Variants in AMPH observed in about 807,000 individuals in gnomAD.
AMPH encodes the protein amphiphysin, also known as amphiphysin (Stiff-Mann syndrome with breast cancer 128kD autoantigen).
Under a neutral mutation model 99.1 loss-of-function variants are expected in AMPH, and 49 were observed. The observed-to-expected ratio is 0.49, with a 90% CI of 0.39 to 0.63. The LOEUF is 0.63. Ranked by LOEUF, AMPH falls within the 20% of genes least tolerant of loss-of-function variation. The pLI is 0.00. For missense variants in AMPH, 759 were observed against 863.4 expected, an observed-to-expected ratio of 0.88 and a Z score of 1.52; for synonymous variants, 314 against 317.3, an observed-to-expected ratio of 0.99 and a Z score of 0.11.
At chr7:38,511,945 C>T (rs540379240) in intron 2 of AMPH, among the ~76,000 whole-genome samples, 11 of 152,250 alleles carry the variant, frequency 7.2e-5, no homozygotes, top group South Asian at 4.2e-4. Flanking sequence ...CATCATAGAA[C>T]GACTCTTTAG....
chr7:38,395,207 C>T (rs1229465263), intron 17 of AMPH, among the ~76,000 whole-genome samples: 1 of 144,368 alleles, frequency 6.9e-6, no homozygotes, highest in African/African-American at 2.6e-5. Flanking sequence ...GTTCCAGAAG[C>T]CAAATCACTT....
intron 15 of AMPH, among the ~76,000 whole-genome samples, chr7:38,424,923 A>C (rs534041768): frequency 1.1e-4 from 17 of 152,318 alleles, no homozygotes; most frequent in Non-Finnish European, 1.9e-4. Context: ...TCAAAATGAC[A>C]GTTTCTTGAA....
At position 38,394,193 on chromosome 7, in the gene AMPH, C is replaced by T. The variant is rs960856901; in HGVS notation, c.1420G>A (p.Asp474Asn). ...GACACCAAGGTTCCAACAGCTGCAT[C>T]AGCATCAGCTCCAGGTATGATCTGC... Reference protein sequence around the residue: ...EAVIIPGADADAAVGTLVSAA... With the variant: ...EAVIIPGADANAAVGTLVSAA... Residue 474 changes from aspartate to asparagine, a missense_variant, in exon 18 of 21, where the codon GAT becomes AAT. Physicochemically the swap from Asp to Asn is conservative, Grantham distance 23 (BLOSUM62 1). Around this residue, in one of 2 missense-constraint regions of AMPH, gnomAD observed 554 missense variants for 575.6 expected, o/e 0.96. Coordinates refer to ENST00000356264, the MANE Select transcript of AMPH (RefSeq NM_001635.4). 1.2e-6 allele frequency: 2 copies of T among 1,614,238 alleles called. No homozygotes were observed. The highest frequency in any genetic ancestry group is 2.7e-5 in the African/African-American group (2 of 75,072).
At position 38,503,752 on chromosome 7, in the gene AMPH, T is replaced by G. The variant is rs529824881; in HGVS notation, c.151-48A>C. On this transcript the variant is annotated intron_variant, in intron 2 of 20. Transcript: ENST00000356264. ...CTAAATATCTAGTCTATATTCTGCA[T>G]GAAAACATGTAAGAAGTGCTAAGTC... is the stretch of plus-strand genomic sequence containing the variant. 2.8e-5 allele frequency: 44 copies of G among 1,583,270 alleles called. No individual in the cohort carries two copies. The East Asian group carries it at 8.3e-4, about 30-fold the overall frequency.
At chr7:38,612,536 A>G (rs1349028527) in intron 1 of AMPH, among the ~76,000 whole-genome samples, 6 of 152,300 alleles carry the variant, frequency 3.9e-5, no homozygotes, top group Middle Eastern at 3.4e-3. Flanking sequence ...GGCCTCAGAA[A>G]CACTGATATG....
intron 2 of AMPH, among the ~76,000 whole-genome samples, chr7:38,528,632 T>C (rs1399648845): frequency 6.6e-6 from 1 of 152,166 alleles, no homozygotes; most frequent in Admixed American, 6.5e-5. Context: ...TTGTCAGTCC[T>C]GCTAGAGGTT....
At chr7:38,541,703 G>A (rs1196778922) in intron 1 of AMPH, among the ~76,000 whole-genome samples, 1 of 152,196 alleles carries the variant, frequency 6.6e-6, no homozygotes, top group Non-Finnish European at 1.5e-5. Context: ...TGTCCCATTT[G>A]AATGGCCTTC....
intron 18 of AMPH, chr7:38,392,639 C>A (rs1017695812): frequency 1.3e-5 from 2 of 152,938 alleles, no homozygotes; most frequent in Admixed American, 6.5e-5. Context: ...CCCACCTCGG[C>A]CTCCCAAAGT....
chr7:38,386,999 A>G, intron 20 of AMPH, among the ~76,000 whole-genome samples: 1 of 152,208 alleles, frequency 6.6e-6, no homozygotes, highest in East Asian at 1.9e-4. Context: ...GGGGATGGGT[A>G]TCCTAACGTA....
chr7:38,528,158 A>G (rs10236438), intron 2 of AMPH, among the ~76,000 whole-genome samples: 93,242 of 151,968 alleles, frequency 0.61, 29,208 homozygotes, highest in African/African-American at 0.75. Flanking sequence ...GATATTTGAA[A>G]GATTCTTACA....
At chr7:38,459,919 G>A (rs765981620) in intron 11 of AMPH, among the ~76,000 whole-genome samples, 22 of 151,968 alleles carry the variant, frequency 1.4e-4, no homozygotes, top group Middle Eastern at 3.2e-3. Flanking sequence ...TGTTGAATGG[G>A]AGAAAATATT....
At chr7:38,401,211 T>G (rs1286588132) in intron 17 of AMPH, among the ~76,000 whole-genome samples, 1 of 152,194 alleles carries the variant, frequency 6.6e-6, no homozygotes, top group Admixed American at 6.5e-5. Context: ...AATTATTAGG[T>G]TACACATTTC....
At chr7:38,429,898 CGA>C (rs1562748988) in intron 13 of AMPH, 33 bp from the exon 14 acceptor site, 2 of 1,590,332 alleles carry the variant, frequency 1.3e-6, no homozygotes, top group Admixed American at 3.6e-5. Flanking sequence ...AACAATAAGG[CGA>C]GAGAGAAAAT....
intron 3 of AMPH, among the ~76,000 whole-genome samples, chr7:38,502,794 C>G (rs555382916): frequency 5.6e-4 from 85 of 152,274 alleles, no homozygotes; most frequent in African/African-American, 2.0e-3. Flanking sequence ...GGTGCCATCC[C>G]TACTGAAGTT....
At chr7:38,437,625 C>CAAAAAAAAAAA (rs70977404) in intron 11 of AMPH, among the ~76,000 whole-genome samples, 9 of 94,792 alleles carry the variant, frequency 9.5e-5, no homozygotes, top group Admixed American at 2.6e-4. Context: ...ACTAAAAATA[C>CAAAAAAAAAAA]AAAAAAAAAA....
At chr7:38,464,218 TTTCC>T in intron 9 of AMPH, 8 of 1,021,688 alleles carry the variant, frequency 7.8e-6, no homozygotes, top group Non-Finnish European at 9.4e-6. Flanking sequence ...GTCCCTTTCA[TTTCC>T]ATGTAAGGGA....
chr7:38,480,489 T>A (rs1186810759), intron 5 of AMPH, among the ~76,000 whole-genome samples: 1 of 152,082 alleles, frequency 6.6e-6, no homozygotes, highest in African/African-American at 2.4e-5. Flanking sequence ...ACTTTATGAG[T>A]CAACTACAAC....
chr7:38,535,067 G>A (rs1790548152), intron 1 of AMPH, 56 bp from the exon 2 acceptor site: 4 of 1,500,560 alleles, frequency 2.7e-6, no homozygotes, highest in Admixed American at 1.7e-5. Context: ...AAAGAAAGAT[G>A]TGCATTTTCT....
intron 2 of AMPH, among the ~76,000 whole-genome samples, chr7:38,508,594 A>C (rs1345017975): frequency 6.6e-6 from 1 of 152,144 alleles, no homozygotes; most frequent in African/African-American, 2.4e-5. Flanking sequence ...ATCTGCATGA[A>C]AGGTGGATCT....
Sources: allele counts gnomAD v4.1 joint callset (sites outside exome capture counted in the v4.1 genomes callset), GRCh38; gene constraint gnomAD v4.1.1; regional missense constraint gnomAD v4.1.1; transcripts MANE v1.5; gene names NCBI Gene and HGNC (gene_info 2026-07-23, HGNC 2026-07-21).